Variants in XKR4 observed in about 807,000 individuals in gnomAD.
XKR4 encodes the protein XK related 4, also known as XK-related protein 4.
Under a neutral mutation model 53.9 loss-of-function variants are expected in XKR4, and 12 were observed. The observed-to-expected ratio is 0.22, with a 90% CI of 0.14 to 0.36. XKR4 has a LOEUF of 0.36. XKR4 is among the 10% of genes least tolerant of loss of function. The pLI, the probability that XKR4 is intolerant of heterozygous loss-of-function variation, is 1.00. For missense variants in XKR4, 799 were observed against 859.5 expected, an observed-to-expected ratio of 0.93 and a Z score of 0.88; for synonymous variants, 354 against 362.4, an observed-to-expected ratio of 0.98 and a Z score of 0.26.
intron 1 of XKR4, among the ~76,000 whole-genome samples, chr8:55,249,462 A>G (rs1300658885): frequency 1.3e-5 from 2 of 152,182 alleles, no homozygotes; most frequent in Non-Finnish European, 2.9e-5. Flanking sequence ...AGTTCTCATG[A>G]TCGACCCTGT....
intron 1 of XKR4, among the ~76,000 whole-genome samples, chr8:55,223,169 A>AG (rs1817906117): frequency 6.6e-6 from 1 of 152,198 alleles, no homozygotes; most frequent in African/African-American, 2.4e-5. Context: ...TCAACTACGC[A>AG]TGTCTTTATG....
At position 55,367,069 on chromosome 8, in the gene XKR4, G is replaced by A. The variant is rs191139907; in HGVS notation, c.1006+9192G>A. ...TAGATACAGAAAAGTACACAGTTGT[G>A]AGAAACTACTCCCAAGGTCAAAGGA... is the stretch of plus-strand genomic sequence containing the variant. On this transcript the variant is annotated intron_variant, in intron 2 of 2. Transcript: ENST00000327381. Among the ~76,000 whole-genome samples, 1,046 of 152,268 alleles carry A rather than the reference G, an allele frequency of 6.9e-3. 7 individuals carry two copies. Among genetic ancestry groups the A allele is most frequent in the Non-Finnish European group, 0.011 (753 of 68,026 alleles).
In XKR4 at chr8:55,451,423, G is replaced by A. The variant is rs150280280; in HGVS notation, c.1007-71858G>A. On this transcript the variant is annotated intron_variant, in intron 2 of 2. Transcript: ENST00000327381. ...GCGTCCGGACGCACTGGAGTAGCGG[G>A]GCATGGAGCTGACAACAGCCTGCAG... 121 of 1,153,892 alleles carry A rather than the reference G, an allele frequency of 1.0e-4. 1 individual carries two copies. In the East Asian group the frequency reaches 1.2e-3, roughly 11 times the overall value. The allele number at this position is 1,153,892 out of a possible 1,614,324, so 71.5% of individuals were successfully genotyped here.
intron 1 of XKR4, among the ~76,000 whole-genome samples, chr8:55,271,423 AT>A (rs1277893515): frequency 6.6e-6 from 1 of 152,200 alleles, no homozygotes; most frequent in Non-Finnish European, 1.5e-5. Context: ...TGTTTTGAGG[AT>A]TTCGAAAAGT....
intron 1 of XKR4, among the ~76,000 whole-genome samples, chr8:55,228,738 C>T (rs111695004): frequency 1.3e-3 from 200 of 152,224 alleles, no homozygotes; most frequent in African/African-American, 4.6e-3. Flanking sequence ...TATGTAGTAG[C>T]GCCATGTCTA....
chr8:55,376,167 G>T (rs1804149683), intron 2 of XKR4, among the ~76,000 whole-genome samples: 1 of 152,090 alleles, frequency 6.6e-6, no homozygotes, highest in African/African-American at 2.4e-5. Context: ...CTTTGCTATT[G>T]TGAATAGTCC....
At chr8:55,465,802 C>T (rs1428803863) in intron 2 of XKR4, among the ~76,000 whole-genome samples, 1 of 151,970 alleles carries the variant, frequency 6.6e-6, no homozygotes, top group East Asian at 1.9e-4. Context: ...AAAAAACAAA[C>T]AACCCCATCA....
In XKR4 at chr8:55,134,516, A is replaced by G. The variant is rs116107378; in HGVS notation, c.806+31222A>G. ...GTTAACTACGTTCATTCATGCATTC[A>G]CTCTCTCTCTGTTCATTCTTCCCAG... On this transcript the variant is annotated intron_variant, in intron 1 of 2. Coordinates refer to ENST00000327381, the MANE Select transcript of XKR4 (RefSeq NM_052898.2). Among the ~76,000 whole-genome samples, 467 of 152,246 alleles carry G rather than the reference A, an allele frequency of 3.1e-3. 4 individuals are homozygous for G. Among genetic ancestry groups the G allele is most frequent in the African/African-American group, 0.011 (444 of 41,544 alleles).
At chr8:55,167,215 G>C (rs1817082125) in intron 1 of XKR4, among the ~76,000 whole-genome samples, 1 of 152,176 alleles carries the variant, frequency 6.6e-6, no homozygotes, top group Admixed American at 6.5e-5. Context: ...TGGAAAGGAT[G>C]AGTTTTTTGG....
chr8:55,471,790 C>A (rs150755955), intron 2 of XKR4, among the ~76,000 whole-genome samples: 2 of 152,096 alleles, frequency 1.3e-5, no homozygotes, highest in African/African-American at 2.4e-5. Context: ...TTCCCCACCC[C>A]CTCTTGCTCC....
chr8:55,458,832 A>G (rs908244288), intron 2 of XKR4, among the ~76,000 whole-genome samples: 2 of 152,084 alleles, frequency 1.3e-5, no homozygotes, highest in Admixed American at 1.3e-4. Context: ...CCTAGGGTTT[A>G]TATGGGTGCA....
chr8:55,451,919 G>T (rs1226130614), intron 2 of XKR4: 1 of 792,140 alleles, frequency 1.3e-6, no homozygotes, highest in East Asian at 2.5e-5. Context: ...TCCTCCTCCT[G>T]GTCCTCAGAG....
intron 2 of XKR4, among the ~76,000 whole-genome samples, chr8:55,426,735 C>T (rs747933535): frequency 2.0e-5 from 3 of 152,134 alleles, no homozygotes; most frequent in Admixed American, 6.5e-5. Flanking sequence ...GCAACTCAAC[C>T]ACCAGTTTGA....
intron 2 of XKR4, 51 bp from the exon 3 acceptor site, chr8:55,523,230 G>A (rs771157343): frequency 6.7e-7 from 1 of 1,483,946 alleles, no homozygotes; most frequent in South Asian, 1.3e-5. Flanking sequence ...CTTCCAGGGG[G>A]CATTGCTGCA....
Position 55,523,925 on chromosome 8 carries a change from A to T in XKR4, c.1651A>T (p.Asn551Tyr). Reference sequence around the variant, plus strand: ...CACAAGCACCCTACGGTCCATCTCCAACAACCGCAGTGTTGTCAGCGACCG... The same window carrying T: ...CACAAGCACCCTACGGTCCATCTCCTACAACCGCAGTGTTGTCAGCGACCG... ...VATSTLRSIS[N>Y]NRSVVSDRDQ... Residue 551 changes from asparagine (N) to tyrosine (Y), a missense_variant, in exon 3 of 3, where the codon AAC (asparagine) becomes TAC (tyrosine). Coordinates refer to ENST00000327381, the MANE Select transcript of XKR4 (RefSeq NM_052898.2). 2 of 1,614,166 alleles carry T rather than the reference A, an allele frequency of 1.2e-6. No individual in the cohort carries two copies. Among genetic ancestry groups the T allele is most frequent in the Non-Finnish European group, 8.5e-7 (1 of 1,180,042 alleles).
intron 1 of XKR4, among the ~76,000 whole-genome samples, chr8:55,321,745 C>G (rs186894288): frequency 1.5e-4 from 23 of 152,208 alleles, no homozygotes; most frequent in Admixed American, 3.9e-4. Context: ...AATCCCAGCA[C>G]TTCGGGAGGC....
chr8:55,220,145 T>C (rs1467906259), intron 1 of XKR4, among the ~76,000 whole-genome samples: 1 of 152,164 alleles, frequency 6.6e-6, no homozygotes. Context: ...CTATAATGTA[T>C]GCATAGATAA....
At chr8:55,190,799 T>C (rs1817436126) in intron 1 of XKR4, among the ~76,000 whole-genome samples, 1 of 152,214 alleles carries the variant, frequency 6.6e-6, no homozygotes, top group Admixed American at 6.5e-5. Flanking sequence ...CTCCGCTTTA[T>C]GGAAACTCGT....
intron 1 of XKR4, among the ~76,000 whole-genome samples, chr8:55,146,284 C>T (rs908510967): frequency 2.0e-5 from 3 of 152,124 alleles, no homozygotes; most frequent in African/African-American, 4.8e-5. Context: ...AGATGACTGA[C>T]GGGAAGGACT....
Sources: allele counts gnomAD v4.1 joint callset (sites outside exome capture counted in the v4.1 genomes callset), GRCh38; gene constraint gnomAD v4.1.1; transcripts MANE v1.5; gene names NCBI Gene and HGNC (gene_info 2026-07-23, HGNC 2026-07-21).